Variants in RFPL4A observed in about 807,000 individuals in gnomAD.
RFPL4A encodes the protein ret finger protein like 4A, also known as ret finger protein-like 4A.
RFPL4A carries 4 observed loss-of-function variants against 8.3 expected under a neutral mutation model. That is an observed-to-expected ratio of 0.48 (90% confidence interval 0.24 to 1.10). RFPL4A has a LOEUF of 1.10. Ranked by LOEUF, RFPL4A falls within the 50% of genes least tolerant of loss-of-function variation. RFPL4A has a pLI of 0.18. For synonymous variants in RFPL4A, 43 were observed against 136.6 expected, an observed-to-expected ratio of 0.31 and a Z score of 4.78; for missense variants, 111 against 358.7, an observed-to-expected ratio of 0.31 and a Z score of 5.58.
chr19:55,757,690 G>C (rs1989198172), upstream of RFPL4A, among the ~76,000 whole-genome samples: 1 of 152,232 alleles, frequency 6.6e-6, no homozygotes, highest in East Asian at 1.9e-4. Flanking sequence ...AACCCCACCA[G>C]TGTGCCAGCA....
Position 55,761,778 on chromosome 19 carries a change from T to A in RFPL4A, c.-9-14T>A, listed in dbSNP as rs878991567. The A allele has an allele frequency of 3.0e-6, 4 of 1,343,938 alleles. No individual in the cohort carries two copies. In the Admixed American group the frequency reaches 9.6e-5, roughly 32 times the overall value. 83.3% of individuals were successfully genotyped at this position (1,343,938 alleles called of 1,614,324 possible). On this transcript the variant is annotated splice_polypyrimidine_tract_variant and intron_variant, in intron 1 of 2. Transcript: ENST00000434937. ...CGTGGAAATTCTAATTCTGTGTTCA[T>A]TTTTTTTCTATAGACATTTGCCATG...
rs999491121 is a variant in RFPL4A, at chr19:55,760,329, A to T, written c.-10+1154A>T. Among the ~76,000 whole-genome samples, 3 of 151,634 alleles carry T rather than the reference A, an allele frequency of 2.0e-5. No homozygotes were observed. The East Asian group carries it at 6.0e-4, about 30-fold the overall frequency. On this transcript the variant is annotated intron_variant, in intron 1 of 2. Transcript: ENST00000434937. ...GAGACCCCAGTCCCAGCCAGTTTCC[A>T]GGTTCTGGATGCTGTCGGGAGAACG...
At chr19:55,758,830 C>T (rs1456169965), upstream of RFPL4A, among the ~76,000 whole-genome samples, 832 of 145,764 alleles carry the variant, frequency 5.7e-3, no homozygotes, top group Non-Finnish European at 7.4e-3. Flanking sequence ...CCAAATTTTA[C>T]GATTTTAATT....
At chr19:55,758,174 C>A (rs867518230), upstream of RFPL4A, among the ~76,000 whole-genome samples, 2,491 of 129,444 alleles carry the variant, frequency 0.019, no homozygotes, top group African/African-American at 0.045. Context: ...AGGATTTCAT[C>A]TAATATATGC....
chr19:55,758,921 T>C (rs1989227900), upstream of RFPL4A: 1 of 150,956 alleles, frequency 6.6e-6, no homozygotes, highest in Non-Finnish European at 1.5e-5. Context: ...GGCAATATTT[T>C]GTCCTTGTTA....
Position 55,763,239 on chromosome 19 carries a change from T to C in RFPL4A, c.*64T>C, listed in dbSNP as rs1328953703. ...TGCTCCCATAGCCATAGCTAAGAAC[T>C]TTTCCGCTAGATACACATAGGTACA... On this transcript the variant is annotated 3_prime_UTR_variant, in exon 3 of 3. Transcript: ENST00000434937. 7.2e-7 allele frequency: 1 copy of C among 1,383,642 alleles called. No homozygotes were observed. The highest frequency in any genetic ancestry group is 2.5e-5 in the East Asian group (1 of 40,228). 85.7% of individuals were successfully genotyped at this position (1,383,642 alleles called of 1,614,324 possible).
intron 1 of RFPL4A, among the ~76,000 whole-genome samples, chr19:55,759,382 C>T (rs970819417): frequency 3.3e-5 from 5 of 152,000 alleles, no homozygotes; most frequent in African/African-American, 4.8e-5. Context: ...TGACAATCTC[C>T]ATTTGCTTGA....
At chr19:55,758,316 A>G (rs1989213010), upstream of RFPL4A, among the ~76,000 whole-genome samples, 1 of 152,296 alleles carries the variant, frequency 6.6e-6, no homozygotes, top group South Asian at 2.1e-4. Flanking sequence ...GAGATGATTA[A>G]ATTAAAGACT....
Position 55,762,815 on chromosome 19 carries a change from C to T in RFPL4A, c.504C>T (p.Cys168=). Residue 168 remains cysteine, a synonymous_variant, in exon 3 of 3, where the codon TGC becomes TGT. Transcript: ENST00000434937. ...GCCAAGTGTGGGATGTGGGCGTGTG[C>T]AAGGAATCTGTGAACCGACAGGGGA... ...GTSQVWDVGV[C]KESVNRQGKI... 1 of 1,450,712 alleles carries T rather than the reference C, an allele frequency of 6.9e-7. No homozygotes were observed. The highest frequency in any genetic ancestry group is 1.2e-5 in the South Asian group (1 of 82,482). 89.9% of individuals were successfully genotyped at this position (1,450,712 alleles called of 1,614,324 possible). A position where few individuals can be genotyped will look rare whatever the true frequency, so the allele number is the denominator to read the frequency against.
chr19:55,759,363 C>T (rs1242044323), intron 1 of RFPL4A, among the ~76,000 whole-genome samples, 188 bp downstream of exon 1: 4 of 151,980 alleles, frequency 2.6e-5, no homozygotes, highest in Non-Finnish European at 4.4e-5. Flanking sequence ...AATACCAAGG[C>T]GAGAGACTTG....
chr19:55,761,650 T>G lies in RFPL4A; in HGVS notation c.-9-142T>G, dbSNP rs143924030. The G allele has an allele frequency of 7.1e-4, 903 of 1,265,254 alleles. 32 individuals carry two copies. In the South Asian group the frequency reaches 7.6e-3, roughly 11 times the overall value. The allele number at this position is 1,265,254 out of a possible 1,614,324, so 78.4% of individuals were successfully genotyped here. A position where few individuals can be genotyped will look rare whatever the true frequency, so the allele number is the denominator to read the frequency against. On this transcript the variant is annotated intron_variant, in intron 1 of 2. Coordinates refer to ENST00000434937, the MANE Select transcript of RFPL4A (RefSeq NM_001145014.2). ...CGAGTCATTGACATTTGTATTCATGTTGTGTCTTCGTCACTAGCAGTAGTG... is the reference window on the plus strand; with the variant it reads ...CGAGTCATTGACATTTGTATTCATGGTGTGTCTTCGTCACTAGCAGTAGTG...
At chr19:55,760,549 T>C (rs576745596) in intron 1 of RFPL4A, among the ~76,000 whole-genome samples, 186 of 151,570 alleles carry the variant, frequency 1.2e-3, no homozygotes, top group African/African-American at 4.3e-3. Context: ...AAAGCAGAGA[T>C]TTTTTAGAAT....
intron 1 of RFPL4A, among the ~76,000 whole-genome samples, chr19:55,759,611 CAA>C (rs1313691800): frequency 6.6e-6 from 1 of 151,624 alleles, no homozygotes; most frequent in Admixed American, 6.6e-5. Flanking sequence ...AAATGAAAAG[CAA>C]AGTTTGTTTA....
chr19:55,758,885 A>AACAAAAAAATTTT (rs1989227305), upstream of RFPL4A: 1 of 150,918 alleles, frequency 6.6e-6, no homozygotes, highest in Non-Finnish European at 1.5e-5. Flanking sequence ...CATAATATTC[A>AACAAAAAAATTTT]AGATCTTATC....
chr19:55,762,228 C>G (rs1181516767), intron 2 of RFPL4A, 142 bp downstream of exon 2: 14 of 667,726 alleles, frequency 2.1e-5, no homozygotes, highest in Non-Finnish European at 3.3e-5. Flanking sequence ...CAGTTCTCAC[C>G]TTTGCGTAGA....
At chr19:55,759,335 G>C (rs1989236708) in intron 1 of RFPL4A, among the ~76,000 whole-genome samples, 160 bp downstream of exon 1, 1 of 152,074 alleles carries the variant, frequency 6.6e-6, no homozygotes, top group Non-Finnish European at 1.5e-5. Context: ...GTAACAGTTA[G>C]GTAAGTCTTA....
chr19:55,760,323 G>T (rs1486541066), intron 1 of RFPL4A, among the ~76,000 whole-genome samples: 1 of 151,552 alleles, frequency 6.6e-6, no homozygotes, highest in Admixed American at 6.6e-5. Context: ...GTCCCAGCCA[G>T]TTTCCAGGTT....
intron 1 of RFPL4A, among the ~76,000 whole-genome samples, chr19:55,759,509 C>T (rs1989239502): frequency 6.6e-6 from 1 of 151,018 alleles, no homozygotes; most frequent in Admixed American, 6.6e-5. Flanking sequence ...CCCCTTCCCA[C>T]AACCCCTGGC....
chr19:55,758,862 T>TTAA (rs1989226763), upstream of RFPL4A, among the ~76,000 whole-genome samples: 1 of 150,898 alleles, frequency 6.6e-6, no homozygotes, highest in Non-Finnish European at 1.5e-5. Context: ...ATTTCCAAAT[T>TTAA]TTAACCAATA....
Sources: gnomAD v4.1 joint callset for allele counts (sites outside exome capture counted in the v4.1 genomes callset) on GRCh38, gnomAD v4.1.1 for gene constraint, MANE v1.5 for transcripts, NCBI Gene and HGNC (gene_info 2026-07-23, HGNC 2026-07-21) for gene names.